Variants in PDS5A observed in about 807,000 individuals in gnomAD.
PDS5A encodes PDS5 cohesin associated factor A.
Under a neutral mutation model 167.1 loss-of-function variants are expected in PDS5A, and 42 were observed. The ratio of observed to expected loss-of-function variants is 0.25; its 90% CI spans 0.20 to 0.33. PDS5A has a LOEUF of 0.33. Among genes scored for constraint, PDS5A ranks in the 10% least tolerant of loss-of-function variants. PDS5A has a pLI of 1.00. For synonymous variants in PDS5A, 553 were observed against 554.6 expected (o/e 1.00, Z 0.04); for missense variants, 1,033 against 1,605.9 (o/e 0.64, Z 6.10).
In PDS5A at chr4:39,904,147, A is replaced by G. The variant is rs2109661419; in HGVS notation, c.1278T>C (p.Tyr426=). Residue 426 remains tyrosine, a synonymous_variant, in exon 12 of 33, where the codon TAT becomes TAC. Transcript: ENST00000303538. ...KEAMMGLAQL[Y]KKYCLHGEAG... The stretch of plus-strand genomic sequence containing the variant: ...CTTCACCATGAAGACAGTATTTCTT[A>G]TAAAGCTGAGCCAGACCCATCATAG... 6.2e-7 allele frequency: 1 copy of G among 1,612,738 alleles called. No homozygotes were observed. Among genetic ancestry groups the G allele is most frequent in the Non-Finnish European group, 8.5e-7 (1 of 1,179,154 alleles).
chr4:39,915,206 T>G (rs1468529711), intron 8 of PDS5A, among the ~76,000 whole-genome samples: 2 of 151,670 alleles, frequency 1.3e-5, no homozygotes. Context: ...ACCTGGCTAA[T>G]TTTTTATTTT....
At chr4:39,845,980 A>T in intron 28 of PDS5A, 100 bp from the exon 29 acceptor site, 1 of 962,614 alleles carries the variant, frequency 1.0e-6, no homozygotes, top group African/African-American at 1.7e-5. Flanking sequence ...TGTGCCTTGC[A>T]ATAATAAATA....
intron 9 of PDS5A, among the ~76,000 whole-genome samples, chr4:39,913,233 G>T (rs781273524): frequency 6.6e-6 from 1 of 151,670 alleles, no homozygotes; most frequent in East Asian, 1.9e-4. Context: ...TCCAGGTGCC[G>T]GTCACCACCC....
intron 2 of PDS5A, among the ~76,000 whole-genome samples, chr4:39,964,590 T>C (rs1451683194): frequency 1.3e-5 from 2 of 152,210 alleles, no homozygotes; most frequent in Admixed American, 1.3e-4. Flanking sequence ...TAGTCCCATC[T>C]ACTCCAAAGG....
At chr4:39,968,886 C>T (rs1284714220) in intron 2 of PDS5A, among the ~76,000 whole-genome samples, 2 of 151,890 alleles carry the variant, frequency 1.3e-5, no homozygotes, top group African/African-American at 4.8e-5. Context: ...AGGGATTCTA[C>T]TGCCCCAGCC....
At chr4:39,924,409 C>G (rs1725275880) in intron 5 of PDS5A, among the ~76,000 whole-genome samples, 1 of 152,246 alleles carries the variant, frequency 6.6e-6, no homozygotes, top group Non-Finnish European at 1.5e-5. Context: ...TACTGCTAGT[C>G]AAATGCCACA....
chr4:39,892,124 A>G (rs1722028290), intron 16 of PDS5A, among the ~76,000 whole-genome samples: 1 of 151,446 alleles, frequency 6.6e-6, no homozygotes, highest in South Asian at 2.1e-4. Context: ...AAAAAAAGTT[A>G]ACTATCCATT....
At chr4:39,864,316 T>C (rs2109550695) in intron 23 of PDS5A, among the ~76,000 whole-genome samples, 1 of 152,114 alleles carries the variant, frequency 6.6e-6, no homozygotes, top group Middle Eastern at 3.4e-3. Flanking sequence ...ATCAGACAAA[T>C]ACCTAAAGGA....
At chr4:39,923,936 T>C (rs1725242424) in intron 5 of PDS5A, among the ~76,000 whole-genome samples, 1 of 152,152 alleles carries the variant, frequency 6.6e-6, no homozygotes, top group Non-Finnish European at 1.5e-5. Context: ...ATCAAAAGTT[T>C]CATCTAAAAT....
chr4:39,849,616 C>G lies in PDS5A; in HGVS notation c.3123G>C (p.Lys1041Asn). ...TAAAGGCATGGCTATTGTTTTCATT[C>G]TTTGTCATTAAAACTTCAAGCATGA... is the stretch of plus-strand genomic sequence containing the variant. The part of the protein sequence containing the change: ...LWFMLEVLMT[K>N]NENNSHAFMK... Residue 1041 changes from lysine (K) to asparagine (N), a missense_variant, in exon 27 of 33, where the codon AAG (lysine) becomes AAC (asparagine). Physicochemically the swap from Lys to Asn is moderately conservative, Grantham distance 94. Transcript: ENST00000303538. 1.2e-6 allele frequency: 2 copies of G among 1,610,468 alleles called. No individual in the cohort carries two copies. Among genetic ancestry groups the G allele is most frequent in the Non-Finnish European group, 8.5e-7 (1 of 1,176,916 alleles).
intron 17 of PDS5A, among the ~76,000 whole-genome samples, chr4:39,883,431 T>G (rs1490611728): frequency 6.6e-6 from 1 of 152,216 alleles, no homozygotes; most frequent in Non-Finnish European, 1.5e-5. Flanking sequence ...TCCGCCCACT[T>G]CGGCCTCCCA....
chr4:39,868,043 A>C (rs1384978601), intron 22 of PDS5A, among the ~76,000 whole-genome samples: 2 of 152,232 alleles, frequency 1.3e-5, no homozygotes, highest in Non-Finnish European at 2.9e-5. Flanking sequence ...AAATGAACTG[A>C]TAGAATATAT....
chr4:39,831,572 T>C lies in PDS5A; in HGVS notation c.4011-6084A>G, dbSNP rs114158149. ...ATTTTAACCATTTTTAAGTATAAAG[T>C]TTAATGGCATTAAGAATATAAAGGG... On this transcript the variant is annotated intron_variant, in intron 32 of 32. Transcript: ENST00000303538. 4.4e-3 allele frequency among the ~76,000 whole-genome samples: 670 copies of C among 152,058 alleles called. 8 individuals carry two copies. The highest frequency in any genetic ancestry group is 0.015 in the African/African-American group (633 of 41,514).
intron 23 of PDS5A, 91 bp downstream of exon 23, chr4:39,866,770 C>A: frequency 9.1e-7 from 1 of 1,096,188 alleles, no homozygotes. Flanking sequence ...GGTGTAATTA[C>A]ACCATTCAGT....
chr4:39,876,352 T>C (rs1337731928), intron 19 of PDS5A, among the ~76,000 whole-genome samples: 1 of 152,216 alleles, frequency 6.6e-6, no homozygotes, highest in Non-Finnish European at 1.5e-5. Flanking sequence ...TTTCACAAGT[T>C]AAACTATTAG....
At chr4:39,864,022 T>A (rs1719219485) in intron 23 of PDS5A, among the ~76,000 whole-genome samples, 1 of 151,860 alleles carries the variant, frequency 6.6e-6, no homozygotes, top group African/African-American at 2.4e-5. Context: ...CCCAGCTACT[T>A]GGGAGACTCA....
At chr4:39,973,273 T>C in intron 2 of PDS5A, 1 of 1,443,748 alleles carries the variant, frequency 6.9e-7, no homozygotes, top group Non-Finnish European at 9.6e-7. Flanking sequence ...CTTTTGCTCT[T>C]GAGGGGCAGA....
At chr4:39,899,343 C>A (rs12505380) in intron 14 of PDS5A, among the ~76,000 whole-genome samples, 104,229 of 152,006 alleles carry the variant, frequency 0.69, 37,727 homozygotes, top group Middle Eastern at 0.85. Flanking sequence ...TATTAGTTTT[C>A]ATTTATACTA....
At chr4:39,952,325 C>T (rs1314301439) in intron 2 of PDS5A, among the ~76,000 whole-genome samples, 2 of 152,084 alleles carry the variant, frequency 1.3e-5, no homozygotes, top group African/African-American at 4.8e-5. Flanking sequence ...AGTGAGACTC[C>T]GTCTCAAAAC....
Sources: allele counts gnomAD v4.1 joint callset (sites outside exome capture counted in the v4.1 genomes callset), GRCh38; gene constraint gnomAD v4.1.1; transcripts MANE v1.5; gene names NCBI Gene and HGNC (gene_info 2026-07-23, HGNC 2026-07-21).